Variants in ANXA4 observed in about 807,000 individuals in gnomAD.
ANXA4 encodes the protein 35-beta calcimedin.
In ANXA4, 39 loss-of-function variants were observed where a neutral mutation model predicts 49.8. The observed-to-expected ratio is 0.78, with a 90% CI of 0.61 to 1.02. ANXA4 has a LOEUF of 1.02. Ranked by LOEUF, ANXA4 falls within the 50% of genes least tolerant of loss-of-function variation. The pLI, the probability that ANXA4 is intolerant of heterozygous loss-of-function variation, is 0.00. For missense variants in ANXA4, 360 were observed against 410.1 expected, an observed-to-expected ratio of 0.88 and a Z score of 1.05; for synonymous variants, 134 against 152.5, an observed-to-expected ratio of 0.88 and a Z score of 0.89.
upstream of ANXA4, among the ~76,000 whole-genome samples, chr2:69,739,072 T>G (rs1670314853): frequency 6.6e-6 from 1 of 152,204 alleles, no homozygotes; most frequent in African/African-American, 2.4e-5. Flanking sequence ...CTTCCAATCA[T>G]CCACCCTCGT....
chr2:69,672,253 A>G (rs1053143728), intron 2 of ANXA4, among the ~76,000 whole-genome samples: 6 of 150,846 alleles, frequency 4.0e-5, no homozygotes, highest in African/African-American at 1.2e-4. Context: ...ATTTATTGAG[A>G]CAGAATGTCG....
At chr2:69,739,183 A>T (rs1670318779), upstream of ANXA4, among the ~76,000 whole-genome samples, 1 of 152,098 alleles carries the variant, frequency 6.6e-6, no homozygotes, top group African/African-American at 2.4e-5. Context: ...CTACACACCC[A>T]CTTTCAGACA....
intron 7 of ANXA4, among the ~76,000 whole-genome samples, 157 bp from the exon 8 acceptor site, chr2:69,812,496 G>C (rs140911683): frequency 1.2e-4 from 18 of 152,286 alleles, no homozygotes; most frequent in African/African-American, 3.9e-4. Flanking sequence ...GTAATAATGC[G>C]AGCGCATTTA....
At chr2:69,693,406 CA>C (rs1236130387) in intron 2 of ANXA4, among the ~76,000 whole-genome samples, 1 of 152,098 alleles carries the variant, frequency 6.6e-6, no homozygotes, top group Non-Finnish European at 1.5e-5. Context: ...AAGAGAGGGA[CA>C]GGGGCCATAA....
At chr2:69,762,384 TA>T (rs1207768191) in intron 1 of ANXA4, among the ~76,000 whole-genome samples, 2 of 145,952 alleles carry the variant, frequency 1.4e-5, no homozygotes, top group African/African-American at 5.4e-5. Flanking sequence ...AGACCCCGTC[TA>T]GGGGAAAAAA....
At chr2:69,648,424 G>A (rs1676090644) in intron 1 of ANXA4, among the ~76,000 whole-genome samples, 1 of 152,216 alleles carries the variant, frequency 6.6e-6, no homozygotes, top group African/African-American at 2.4e-5. Flanking sequence ...GGCAGAGGCA[G>A]CAGTTTCTGT....
chr2:69,644,228 C>T (rs1332298355), upstream of ANXA4, among the ~76,000 whole-genome samples: 1 of 141,712 alleles, frequency 7.1e-6, no homozygotes, highest in Non-Finnish European at 1.5e-5. Context: ...GCGGCCTGGC[C>T]TCCTGGCACA....
intron 3 of ANXA4, among the ~76,000 whole-genome samples, chr2:69,724,783 A>T (rs767408881): frequency 1.1e-5 from 1 of 90,548 alleles, no homozygotes; most frequent in Non-Finnish European, 2.2e-5. Context: ...AGATGAACTC[A>T]TTCGGCCACG....
intron 2 of ANXA4, among the ~76,000 whole-genome samples, chr2:69,716,227 T>C (rs1669612493): frequency 6.6e-6 from 1 of 152,158 alleles, no homozygotes; most frequent in Non-Finnish European, 1.5e-5. Context: ...ATTCCTGTGG[T>C]GGCTCTGTCT....
intron 1 of ANXA4, among the ~76,000 whole-genome samples, chr2:69,646,095 C>A (rs1263400706): frequency 1.3e-5 from 2 of 152,090 alleles, no homozygotes; most frequent in African/African-American, 4.8e-5. Flanking sequence ...AGCATAGGAC[C>A]AGGAGACAGG....
intron 2 of ANXA4, among the ~76,000 whole-genome samples, chr2:69,679,261 C>T (rs1431093793): frequency 6.8e-6 from 1 of 146,080 alleles, no homozygotes; most frequent in African/African-American, 2.5e-5. Context: ...CTCAGCCTCC[C>T]AAGTAGATGG....
At chr2:69,718,703 A>G (rs1433066917) in intron 2 of ANXA4, among the ~76,000 whole-genome samples, 1 of 151,972 alleles carries the variant, frequency 6.6e-6, no homozygotes, top group East Asian at 1.9e-4. Context: ...ATGCATGCAC[A>G]TGCGCACACA....
rs147636173 is a variant in ANXA4 at position 69,781,475 on chromosome 2, G to A, written c.-46-45G>A. ...AGTTATCCTGATTAATGATTTTAAT[G>A]CCATTTCCTTCATCACAGTAATTTC... is the stretch of plus-strand genomic sequence containing the variant. On this transcript the variant is annotated intron_variant, in intron 1 of 12. Coordinates refer to ENST00000394295, the MANE Select transcript of ANXA4 (RefSeq NM_001153.5). 2.9e-4 allele frequency: 436 copies of A among 1,479,948 alleles called. 1 individual carries two copies. The East Asian group carries it at 5.9e-3, about 20-fold the overall frequency. 91.7% of individuals were successfully genotyped at this position (1,479,948 alleles called of 1,614,324 possible). A position where few individuals can be genotyped will look rare whatever the true frequency, so the allele number is the denominator to read the frequency against.
intron 2 of ANXA4, among the ~76,000 whole-genome samples, chr2:69,688,911 T>C (rs927726365): frequency 5.3e-5 from 8 of 152,188 alleles, no homozygotes; most frequent in Non-Finnish European, 1.2e-4. Context: ...TTCCTTTCAA[T>C]GGGAAATGAA....
intron 4 of ANXA4, 105 bp downstream of exon 4, chr2:69,804,732 C>T (rs1019398763): frequency 1.6e-5 from 16 of 991,312 alleles, no homozygotes; most frequent in Admixed American, 8.8e-5. Flanking sequence ...TTTAAAAGAT[C>T]GATCCTTTGT....
rs866862530 is a variant in ANXA4 at position 69,756,934 on chromosome 2, A to T, written c.-47+14759A>T. 6.5e-3 allele frequency among the ~76,000 whole-genome samples: 876 copies of T among 135,372 alleles called. 4 individuals are homozygous for T. Among genetic ancestry groups the T allele is most frequent in the African/African-American group, 0.015 (519 of 35,108 alleles). 88.8% of individuals were successfully genotyped at this position (135,372 alleles called of 152,430 possible). Reference sequence around the variant, plus strand: ...TTATTAAATTAATTAATTAATTATTATTTTTTTTTTTTAGACAGAGTCTCA... The same window carrying T: ...TTATTAAATTAATTAATTAATTATTTTTTTTTTTTTTTAGACAGAGTCTCA... On this transcript the variant is annotated intron_variant, in intron 1 of 12. Coordinates refer to ENST00000394295, the MANE Select transcript of ANXA4 (RefSeq NM_001153.5).
chr2:69,731,314 A>G (rs79693808), intron 3 of ANXA4, among the ~76,000 whole-genome samples: 5,324 of 152,282 alleles, frequency 0.035, 90 homozygotes, highest in East Asian at 0.048. Flanking sequence ...TTTTCTATCC[A>G]TCTGCCAGAC....
At chr2:69,824,110 T>A (rs1306741524) in intron 12 of ANXA4, among the ~76,000 whole-genome samples, 1 of 151,906 alleles carries the variant, frequency 6.6e-6, no homozygotes, top group Non-Finnish European at 1.5e-5. Context: ...TAAATAAAAT[T>A]AAAGATTAAA....
intron 12 of ANXA4, 65 bp from the exon 13 acceptor site, chr2:69,825,391 A>C (rs1212734248): frequency 7.2e-7 from 1 of 1,382,672 alleles, no homozygotes; most frequent in African/African-American, 1.5e-5. Flanking sequence ...GTTGGCTTAG[A>C]TGACTTTGAA....
Sources: allele counts gnomAD v4.1 joint callset (sites outside exome capture counted in the v4.1 genomes callset), GRCh38; gene constraint gnomAD v4.1.1; transcripts MANE v1.5; gene names NCBI Gene and HGNC (gene_info 2026-07-23, HGNC 2026-07-21).